MBOAT1: variants seen among roughly 807,000 people sequenced by gnomAD.
MBOAT1 encodes membrane-bound glycerophospholipid O-acyltransferase 1.
In MBOAT1, 67 loss-of-function variants were observed where a neutral mutation model predicts 64.4. That is an observed-to-expected ratio of 1.04 (90% CI 0.85 to 1.27). MBOAT1 has a LOEUF of 1.27. Among genes scored for constraint, MBOAT1 ranks in the 50% most tolerant of loss-of-function variants. The pLI, the probability that MBOAT1 is intolerant of heterozygous loss-of-function variation, is 0.00. For missense variants in MBOAT1, 563 were observed against 604.6 expected (o/e 0.93, Z 0.72); for synonymous variants, 229 against 218.9 (o/e 1.05, Z -0.41).
chr6:20,102,522 T>TTA, intron 12 of MBOAT1, 110 bp from the exon 13 acceptor site: 9 of 869,230 alleles, frequency 1.0e-5, no homozygotes, highest in South Asian at 7.1e-5. Context: ...CTTTTGGCAG[T>TTA]AGGAGGCCTG....
intron 4 of MBOAT1, among the ~76,000 whole-genome samples, chr6:20,143,505 T>C (rs2151837): frequency 0.34 from 51,961 of 151,982 alleles, 9,128 homozygotes; most frequent in East Asian, 0.49. Context: ...TAGCGAGAGA[T>C]GAAAACCCTA....
At chr6:20,156,338 T>C (rs901192422) in intron 1 of MBOAT1, among the ~76,000 whole-genome samples, 1 of 152,096 alleles carries the variant, frequency 6.6e-6, no homozygotes, top group South Asian at 2.1e-4. Context: ...TCCTTGACTG[T>C]TCATGGTAAA....
intron 6 of MBOAT1, among the ~76,000 whole-genome samples, chr6:20,127,041 T>C (rs1760674151): frequency 6.6e-6 from 1 of 152,060 alleles, no homozygotes; most frequent in Admixed American, 6.5e-5. Context: ...GTAATAAACA[T>C]AAAGCAGGGC....
chr6:20,121,692 C>G (rs1450123099), intron 8 of MBOAT1, among the ~76,000 whole-genome samples: 1 of 152,012 alleles, frequency 6.6e-6, no homozygotes, highest in Non-Finnish European at 1.5e-5. Flanking sequence ...CAGAAGCTAG[C>G]CCTTAAGCCC....
chr6:20,123,570 G>T (rs567518383), intron 8 of MBOAT1, among the ~76,000 whole-genome samples: 1 of 150,378 alleles, frequency 6.6e-6, no homozygotes, highest in African/African-American at 2.4e-5. Context: ...AAAAACAAAA[G>T]GTGTGATAAA....
intron 1 of MBOAT1, among the ~76,000 whole-genome samples, chr6:20,183,219 T>G (rs1472440074): frequency 6.6e-6 from 1 of 151,988 alleles, no homozygotes; most frequent in Non-Finnish European, 1.5e-5. Flanking sequence ...CATGGTATGA[T>G]CTACCTGGAA....
intron 9 of MBOAT1, 34 bp downstream of exon 9, chr6:20,118,403 A>G: frequency 6.6e-7 from 1 of 1,513,312 alleles, no homozygotes. Flanking sequence ...TGCTTTCTTC[A>G]CTATGGAAGT....
At position 20,100,644 on chromosome 6, in the gene MBOAT1, C is replaced by T. The variant is rs1043251882; in HGVS notation, c.*1642G>A. On this transcript the variant is annotated 3_prime_UTR_variant, in exon 13 of 13. Coordinates refer to ENST00000324607, the MANE Select transcript of MBOAT1 (RefSeq NM_001080480.3). ...TATCCTAAGAGAAGCAGCAGTAGGACACCTTATGGACCTGTGTCTCTATTG... is the reference window on the plus strand; with the variant it reads ...TATCCTAAGAGAAGCAGCAGTAGGATACCTTATGGACCTGTGTCTCTATTG... 5.9e-5 allele frequency among the ~76,000 whole-genome samples: 9 copies of T among 152,210 alleles called. No homozygotes were observed. The highest frequency in any genetic ancestry group is 2.2e-4 in the African/African-American group (9 of 41,460).
At chr6:20,107,922 C>T (rs1469042789) in intron 12 of MBOAT1, among the ~76,000 whole-genome samples, 7 of 152,074 alleles carry the variant, frequency 4.6e-5, no homozygotes, top group African/African-American at 7.2e-5. Context: ...AGGCTGCTTC[C>T]GGGCATGTTA....
chr6:20,119,436 C>T (rs1366078469), intron 8 of MBOAT1, among the ~76,000 whole-genome samples: 1 of 152,088 alleles, frequency 6.6e-6, no homozygotes, highest in Non-Finnish European at 1.5e-5. Flanking sequence ...TTAAAATGAA[C>T]TAATCAAAAT....
chr6:20,128,555 C>T, intron 6 of MBOAT1, 144 bp downstream of exon 6: 1 of 589,758 alleles, frequency 1.7e-6, no homozygotes, highest in Non-Finnish European at 2.9e-6. Flanking sequence ...GGTAACAATG[C>T]ACATGTCCAT....
In MBOAT1 at chr6:20,182,999, G is replaced by A. The variant is rs926412175; in HGVS notation, c.99+29137C>T. Among the ~76,000 whole-genome samples, 15 of 152,262 alleles carry A rather than the reference G, an allele frequency of 9.9e-5. 1 individual carries two copies. Among genetic ancestry groups the A allele is most frequent in the South Asian group, 4.2e-4 (2 of 4,818 alleles). On this transcript the variant is annotated intron_variant, in intron 1 of 12. Coordinates refer to ENST00000324607, the MANE Select transcript of MBOAT1 (RefSeq NM_001080480.3). ...AATGGAAAGGATTGGCAGTACATGC[G>A]TAAAAAGGACAAGTAATATAAAGTG...
intron 1 of MBOAT1, among the ~76,000 whole-genome samples, chr6:20,194,361 A>G (rs1306519219): frequency 3.3e-5 from 5 of 152,144 alleles, no homozygotes; most frequent in Non-Finnish European, 4.4e-5. Flanking sequence ...AGGTCACCAT[A>G]TTGCATTTAC....
At chr6:20,195,964 C>T (rs1267214025) in intron 1 of MBOAT1, among the ~76,000 whole-genome samples, 1 of 151,990 alleles carries the variant, frequency 6.6e-6, no homozygotes, top group Non-Finnish European at 1.5e-5. Context: ...TAAGATTTAT[C>T]CCAAAGCCAG....
chr6:20,180,729 C>T (rs1762484113), intron 1 of MBOAT1, among the ~76,000 whole-genome samples: 1 of 152,174 alleles, frequency 6.6e-6, no homozygotes, highest in Non-Finnish European at 1.5e-5. Flanking sequence ...CACCATCTCT[C>T]TATTTTACCA....
At chr6:20,124,748 T>C in intron 7 of MBOAT1, 148 bp from the exon 8 acceptor site, 3 of 677,998 alleles carry the variant, frequency 4.4e-6, no homozygotes, top group Non-Finnish European at 7.5e-6. Context: ...TTCTTCCTCA[T>C]GAGACAAATC....
chr6:20,177,916 C>T (rs746721487), intron 1 of MBOAT1, among the ~76,000 whole-genome samples: 1 of 152,160 alleles, frequency 6.6e-6, no homozygotes, highest in Non-Finnish European at 1.5e-5. Context: ...CCTGCCACCT[C>T]ACTTCCCTCT....
intron 1 of MBOAT1, among the ~76,000 whole-genome samples, chr6:20,198,182 C>T (rs374109418): frequency 1.2e-3 from 181 of 148,820 alleles, no homozygotes; most frequent in African/African-American, 4.1e-3. Flanking sequence ...GAGCCAAGAT[C>T]GTGCCACTGC....
rs188142823 is a variant in MBOAT1 at position 20,159,759 on chromosome 6, T to C, written c.100-6990A>G. On this transcript the variant is annotated intron_variant, in intron 1 of 12. Transcript: ENST00000324607. ...TGTATCAAAACATCACATTGTACCC[T>C]ATAAACATATACATTATTTGTCAAT... Among the ~76,000 whole-genome samples, 299 of 152,316 alleles carry C rather than the reference T, an allele frequency of 2.0e-3. 1 individual carries two copies. The highest frequency in any genetic ancestry group is 7.1e-3 in the African/African-American group (296 of 41,568).
Sources: allele counts gnomAD v4.1 joint callset (sites outside exome capture counted in the v4.1 genomes callset), GRCh38; gene constraint gnomAD v4.1.1; transcripts MANE v1.5; gene names NCBI Gene and HGNC (gene_info 2026-07-23, HGNC 2026-07-21).